Variants in ARHGAP15 observed in about 807,000 individuals in gnomAD.
The protein encoded by ARHGAP15 is rho GTPase-activating protein 15.
Under a neutral mutation model 63.7 loss-of-function variants are expected in ARHGAP15, and 51 were observed. The ratio of observed to expected loss-of-function variants is 0.80; its 90% CI spans 0.64 to 1.01. The LOEUF (loss-of-function observed/expected upper bound fraction) is 1.01. Ranked by LOEUF, ARHGAP15 falls within the 50% of genes least tolerant of loss-of-function variation. ARHGAP15 has a pLI of 0.00. For synonymous variants in ARHGAP15, 191 were observed against 193.8 expected (o/e 0.99, Z 0.12); for missense variants, 560 against 564.6 (o/e 0.99, Z 0.08).
intron 9 of ARHGAP15, among the ~76,000 whole-genome samples, chr2:143,516,049 C>T (rs1041510365): frequency 6.6e-6 from 1 of 152,162 alleles, no homozygotes; most frequent in African/African-American, 2.4e-5. Flanking sequence ...AGAAGGGAAG[C>T]ACTCAAGGCT....
At chr2:143,243,771 C>T (rs978806970) in intron 5 of ARHGAP15, among the ~76,000 whole-genome samples, 12 of 152,094 alleles carry the variant, frequency 7.9e-5, no homozygotes, top group African/African-American at 2.9e-4. Context: ...CTGAGAATTT[C>T]TTCTAATAAT....
chr2:143,400,094 C>T (rs1687929188), intron 6 of ARHGAP15, among the ~76,000 whole-genome samples: 1 of 151,914 alleles, frequency 6.6e-6, no homozygotes, highest in South Asian at 2.1e-4. Context: ...TCATTTTCTT[C>T]TGTGTAAATA....
At chr2:143,359,834 A>G (rs990087517) in intron 6 of ARHGAP15, among the ~76,000 whole-genome samples, 11 of 152,192 alleles carry the variant, frequency 7.2e-5, no homozygotes, top group Admixed American at 6.5e-4. Flanking sequence ...TACAGAAAGT[A>G]ATGTTTTCAT....
At chr2:143,471,794 C>T (rs1284441276) in intron 8 of ARHGAP15, among the ~76,000 whole-genome samples, 2 of 152,128 alleles carry the variant, frequency 1.3e-5, no homozygotes, top group East Asian at 3.9e-4. Context: ...AACCAATCAC[C>T]TCCATCTACA....
At chr2:143,628,394 G>A (rs1698924061) in intron 12 of ARHGAP15, among the ~76,000 whole-genome samples, 1 of 152,156 alleles carries the variant, frequency 6.6e-6, no homozygotes, top group African/African-American at 2.4e-5. Flanking sequence ...TAAGTTATTT[G>A]AGAAATCTCC....
At chr2:143,480,916 A>G (rs1191354071) in intron 8 of ARHGAP15, 4 of 152,132 alleles carry the variant, frequency 2.6e-5, no homozygotes, top group Admixed American at 2.6e-4. Context: ...TTTTCAATCA[A>G]TTTGGGATAA....
In ARHGAP15 at chr2:143,556,485, G is replaced by A. The variant is rs753577537; in HGVS notation, c.1003G>A (p.Glu335Lys). The change falls in exon 11 of 14, where the codon GAA becomes AAA. Residue 335 changes from glutamate (E) to lysine (K), a missense_variant and splice_region_variant. Glu to Lys is a moderately conservative substitution (Grantham distance 56). Coordinates refer to ENST00000295095, the MANE Select transcript of ARHGAP15 (RefSeq NM_018460.4). ...IQKLRFIVNQEEKLNLDDSQW... is the reference protein window; with the variant it reads ...IQKLRFIVNQKEKLNLDDSQW... The stretch of plus-strand genomic sequence containing the variant: ...GAAGTTAAGATTTATTGTCAACCAA[G>A]GTAAGTGATTTCCACTTCAGAGATT... 1.2e-6 allele frequency: 2 copies of A among 1,609,980 alleles called. No individual in the cohort carries two copies. The highest frequency in any genetic ancestry group is 4.5e-5 in the East Asian group (2 of 44,652).
At chr2:143,593,357 C>T (rs1342457822) in intron 11 of ARHGAP15, 2 of 152,118 alleles carry the variant, frequency 1.3e-5, no homozygotes, top group African/African-American at 2.4e-5. Context: ...TACCTTTGAC[C>T]TGTGGCAAAG....
At chr2:143,557,407 A>G (rs1695852133) in intron 11 of ARHGAP15, among the ~76,000 whole-genome samples, 1 of 152,114 alleles carries the variant, frequency 6.6e-6, no homozygotes, top group Admixed American at 6.6e-5. Context: ...TGATTCCAAC[A>G]ATATACTGGG....
Position 143,186,253 on chromosome 2 carries a change from G to A in ARHGAP15, c.166-15881G>A, listed in dbSNP as rs562459836. 3.3e-5 allele frequency among the ~76,000 whole-genome samples: 5 copies of A among 152,074 alleles called. No homozygotes were observed. In the South Asian group the frequency reaches 8.3e-4, roughly 25 times the overall value. ...TAGGAATCTCTATTTAAATAATCTC[G>A]ACTTATGAAGAGCAAAAATGTTTGC... On this transcript the variant is annotated intron_variant, in intron 2 of 13. Coordinates refer to ENST00000295095, the MANE Select transcript of ARHGAP15 (RefSeq NM_018460.4).
chr2:143,723,252 T>C (rs1008935625), intron 13 of ARHGAP15, among the ~76,000 whole-genome samples: 3 of 152,222 alleles, frequency 2.0e-5, no homozygotes, highest in Non-Finnish European at 4.4e-5. Context: ...TTTATCAGAA[T>C]GTATCCCCCT....
intron 6 of ARHGAP15, among the ~76,000 whole-genome samples, chr2:143,340,202 T>C (rs188615198): frequency 2.0e-5 from 3 of 152,248 alleles, no homozygotes; most frequent in African/African-American, 7.2e-5. Context: ...TTTTACTTAT[T>C]GGAATAACGG....
chr2:143,188,853 T>C (rs1691555475), intron 2 of ARHGAP15, among the ~76,000 whole-genome samples: 2 of 151,668 alleles, frequency 1.3e-5, no homozygotes, highest in Admixed American at 1.3e-4. Context: ...CTCGAACCCC[T>C]GACCTTGTGA....
intron 6 of ARHGAP15, among the ~76,000 whole-genome samples, chr2:143,354,241 C>A (rs908251323): frequency 6.6e-6 from 1 of 152,096 alleles, no homozygotes; most frequent in Admixed American, 6.6e-5. Flanking sequence ...TCCAAGGAAC[C>A]GCGTTCACCT....
At chr2:143,265,384 C>A (rs1016259906) in intron 6 of ARHGAP15, among the ~76,000 whole-genome samples, 4 of 151,932 alleles carry the variant, frequency 2.6e-5, no homozygotes, top group Non-Finnish European at 4.4e-5. Flanking sequence ...AAAGTTTTGG[C>A]GCTTCAAGAG....
intron 13 of ARHGAP15, among the ~76,000 whole-genome samples, chr2:143,714,232 G>T (rs1363123308): frequency 1.3e-5 from 2 of 152,194 alleles, no homozygotes; most frequent in African/African-American, 4.8e-5. Context: ...CCACATAGCT[G>T]CCAAGGCTTG....
At chr2:143,557,986 G>C (rs964627149) in intron 11 of ARHGAP15, among the ~76,000 whole-genome samples, 1 of 151,934 alleles carries the variant, frequency 6.6e-6, no homozygotes, top group African/African-American at 2.4e-5. Context: ...AACAGTAGGG[G>C]GATGCCTTGG....
At chr2:143,133,325 G>A (rs1014750856) in intron 1 of ARHGAP15, among the ~76,000 whole-genome samples, 1 of 152,202 alleles carries the variant, frequency 6.6e-6, no homozygotes, top group Non-Finnish European at 1.5e-5. Flanking sequence ...AGTAATAAGA[G>A]GTAGGCCAGA....
intron 12 of ARHGAP15, among the ~76,000 whole-genome samples, chr2:143,702,350 G>A (rs1216717206): frequency 2.0e-5 from 3 of 152,070 alleles, no homozygotes; most frequent in South Asian, 2.1e-4. Context: ...AATGTGGTAT[G>A]CAGTTTTGAA....
Sources: allele counts gnomAD v4.1 joint callset (sites outside exome capture counted in the v4.1 genomes callset), GRCh38; gene constraint gnomAD v4.1.1; transcripts MANE v1.5; gene names NCBI Gene and HGNC (gene_info 2026-07-23, HGNC 2026-07-21).